AIFM1: variants seen among roughly 807,000 people sequenced by gnomAD.
AIFM1 encodes the protein apoptosis-inducing factor 1, mitochondrial.
Under a neutral mutation model 51.7 loss-of-function variants are expected in AIFM1, and 3 were observed. That is an observed-to-expected ratio of 0.06 (90% confidence interval 0.03 to 0.15). AIFM1 has a LOEUF of 0.15. Among genes scored for constraint, AIFM1 ranks in the 10% least tolerant of loss-of-function variants. The pLI, the probability that AIFM1 is intolerant of heterozygous loss-of-function variation, is 1.00. For missense variants in AIFM1, 330 were observed against 476.8 expected, an observed-to-expected ratio of 0.69 and a Z score of 2.87; for synonymous variants, 178 against 179.4, an observed-to-expected ratio of 0.99 and a Z score of 0.06.
chrX:130,140,676 T>A, intron 6 of AIFM1, 59 bp from the exon 7 acceptor site: 2 of 891,248 alleles, frequency 2.2e-6, no homozygotes, highest in South Asian at 4.0e-5. Flanking sequence ...TGAAAAAGTT[T>A]TATTGAGATA....
At chrX:130,146,448 AAT>A (rs1491245754) in intron 5 of AIFM1, among the ~76,000 whole-genome samples, 70 of 68,342 alleles carry the variant, frequency 1.0e-3, no homozygotes, top group African/African-American at 4.2e-3. Flanking sequence ...TGTCTCTCAA[AAT>A]ATGTGTGTGT....
intron 1 of AIFM1, among the ~76,000 whole-genome samples, chrX:130,162,229 T>A (rs2031375715): frequency 8.9e-6 from 1 of 112,068 alleles, no homozygotes; most frequent in Non-Finnish European, 1.9e-5. Flanking sequence ...AAAATGAGCT[T>A]GATACAAATC....
chrX:130,160,808 C>T (rs1204839119), intron 1 of AIFM1, among the ~76,000 whole-genome samples: 6 of 109,635 alleles, frequency 5.5e-5, no homozygotes, highest in African/African-American at 2.0e-4. Flanking sequence ...CTTGGGAGGC[C>T]GAGGTTGGTG....
chrX:130,151,201 C>T (rs941950816), intron 2 of AIFM1, among the ~76,000 whole-genome samples: 6 of 107,258 alleles, frequency 5.6e-5, no homozygotes, highest in Admixed American at 3.0e-4. Context: ...AGTGCAGTGG[C>T]GTGATCTCGG....
intron 2 of AIFM1, among the ~76,000 whole-genome samples, chrX:130,151,593 T>C (rs1447213480): frequency 8.9e-6 from 1 of 112,280 alleles, no homozygotes; most frequent in African/African-American, 3.2e-5. Context: ...AAGTACTGTA[T>C]GGGAAAAGAC....
At position 130,156,496 on chromosome X, in the gene AIFM1, T is replaced by C. The variant is rs2124673756; in HGVS notation, c.214A>G (p.Ile72Val). The part of the protein sequence containing the change: ...GKIDNSVLVL[I>V]VGLSTVGAGA... Reference sequence around the variant, plus strand: ...GCTCCTACTGTTGATAAGCCCACAATAAGGACTAACACAGAATTATCGATT... The same window carrying C: ...GCTCCTACTGTTGATAAGCCCACAACAAGGACTAACACAGAATTATCGATT... The change falls in exon 2 of 16, where the codon ATT becomes GTT. Residue 72 changes from isoleucine (I) to valine (V), a missense_variant. This residue lies in a region of AIFM1 where 110 missense variants were observed against 103.1 expected (regional missense o/e 1.07). Coordinates refer to ENST00000287295, the MANE Select transcript of AIFM1 (RefSeq NM_004208.4). 1 of 1,211,711 alleles carries C rather than the reference T, an allele frequency of 8.3e-7. No individual in the cohort carries two copies. Among genetic ancestry groups the C allele is most frequent in the Non-Finnish European group, 1.1e-6 (1 of 895,508 alleles).
At chrX:130,162,602 C>T (rs926734810) in intron 1 of AIFM1, among the ~76,000 whole-genome samples, 1 of 112,162 alleles carries the variant, frequency 8.9e-6, no homozygotes, top group Non-Finnish European at 1.9e-5. Context: ...GCAGAAACAA[C>T]GGGGGAAGAC....
intron 10 of AIFM1, among the ~76,000 whole-genome samples, 173 bp from the exon 11 acceptor site, chrX:130,136,904 T>C (rs1427015897): frequency 1.8e-5 from 2 of 110,996 alleles, no homozygotes; most frequent in African/African-American, 3.3e-5. Flanking sequence ...TTCCAGGAAT[T>C]TGGGGCATCT....
intron 2 of AIFM1, among the ~76,000 whole-genome samples, chrX:130,154,748 T>C (rs2124672440): frequency 8.9e-6 from 1 of 112,697 alleles, no homozygotes; most frequent in South Asian, 3.7e-4. Context: ...ACACAAACAT[T>C]ACATTTTACC....
At chrX:130,130,458 A>G (rs1344033332) in intron 14 of AIFM1, among the ~76,000 whole-genome samples, 3 of 112,039 alleles carry the variant, frequency 2.7e-5, no homozygotes, top group African/African-American at 9.7e-5. Flanking sequence ...ATTTCCTGGT[A>G]TCTGGATTTC....
chrX:130,153,178 CAA>C lies in AIFM1; in HGVS notation c.249+3281_249+3282del, dbSNP rs34591824. Among the ~76,000 whole-genome samples, 342 of 43,898 alleles carry C rather than the reference CAA, an allele frequency of 7.8e-3. 1 individual carries two copies. Among genetic ancestry groups the C allele is most frequent in the African/African-American group, 0.024 (286 of 11,714 alleles). The allele number at this position is 43,898 out of a possible 115,157, so 38.1% of individuals were successfully genotyped here. Reference sequence around the variant, plus strand: ...TGAAACCCCGTCTCTACTAAAAATACAAAAAAAAAAAAAAAAAAAAAATTAGC... The same window carrying C: ...TGAAACCCCGTCTCTACTAAAAATACAAAAAAAAAAAAAAAAAAAATTAGC... On this transcript the variant is annotated intron_variant, in intron 2 of 15. Transcript: ENST00000287295.
At position 130,129,509 on chromosome X, in the gene AIFM1, ACCT is replaced by A. The variant is rs1288315300; in HGVS notation, c.*45_*47del. On this transcript the variant is annotated 3_prime_UTR_variant, in exon 16 of 16. Coordinates refer to ENST00000287295, the MANE Select transcript of AIFM1 (RefSeq NM_004208.4). ...AAAAAAATGCTCCTTTACCCATTCG[ACCT>A]CCTCTCAGGGGCTGCAGTGGGTTTG... The A allele has an allele frequency of 1.1e-5, 12 of 1,104,502 alleles. No individual in the cohort carries two copies. In the South Asian group the frequency reaches 2.2e-4, roughly 20 times the overall value. 91.0% of individuals were successfully genotyped at this position (1,104,502 alleles called of 1,213,427 possible).
intron 13 of AIFM1, among the ~76,000 whole-genome samples, chrX:130,132,935 C>T (rs933932794): frequency 5.5e-5 from 6 of 110,052 alleles, no homozygotes; most frequent in African/African-American, 1.3e-4. Context: ...TTAGTAGAGA[C>T]GGGGTTTCAC....
chrX:130,140,489 A>C (rs755746912), intron 7 of AIFM1, 44 bp downstream of exon 7: 10 of 1,086,383 alleles, frequency 9.2e-6, no homozygotes, highest in Non-Finnish European at 1.1e-5. Flanking sequence ...CTAAAACTTG[A>C]ATGAGCTGTA....
chrX:130,158,036 G>T (rs1342200705), intron 1 of AIFM1, among the ~76,000 whole-genome samples: 1 of 110,815 alleles, frequency 9.0e-6, no homozygotes, highest in Non-Finnish European at 1.9e-5. Context: ...GCCGAGGAGG[G>T]TGAATCACCT....
intron 12 of AIFM1, 57 bp from the exon 13 acceptor site, chrX:130,133,512 A>G: frequency 8.5e-7 from 1 of 1,178,737 alleles, no homozygotes; most frequent in Non-Finnish European, 1.2e-6. Flanking sequence ...AGCAAGTTAA[A>G]GACAAAATAT....
chrX:130,153,577 T>C (rs182069633), intron 2 of AIFM1, among the ~76,000 whole-genome samples: 8 of 111,319 alleles, frequency 7.2e-5, no homozygotes, highest in East Asian at 2.8e-4. Context: ...CACTATGTGA[T>C]GGTATTTGGC....
rs917298617 is a variant in AIFM1, at chrX:130,143,725, C to T, written c.696+1754G>A. Among the ~76,000 whole-genome samples, 7 of 109,366 alleles carry T rather than the reference C, an allele frequency of 6.4e-5. No homozygotes were observed. In the South Asian group the frequency reaches 2.7e-3, roughly 42 times the overall value. The allele number at this position is 109,366 out of a possible 115,157, so 95.0% of individuals were successfully genotyped here. A position where few individuals can be genotyped will look rare whatever the true frequency, so the allele number is the denominator to read the frequency against. Reference sequence around the variant, plus strand: ...AAAAAAAAATAGCCAGGCATGGTGGCGCATGCAGCTACTTGGGAGGCTGAG... The same window carrying T: ...AAAAAAAAATAGCCAGGCATGGTGGTGCATGCAGCTACTTGGGAGGCTGAG... On this transcript the variant is annotated intron_variant, in intron 6 of 15. Coordinates refer to ENST00000287295, the MANE Select transcript of AIFM1 (RefSeq NM_004208.4).
At chrX:130,133,985 G>A (rs773956417) in intron 12 of AIFM1, among the ~76,000 whole-genome samples, 5 of 110,604 alleles carry the variant, frequency 4.5e-5, no homozygotes, top group Non-Finnish European at 7.6e-5. Flanking sequence ...GCAAATGCCC[G>A]TAATCCCAGC....
Sources: allele counts gnomAD v4.1 joint callset (sites outside exome capture counted in the v4.1 genomes callset), GRCh38; gene constraint gnomAD v4.1.1; regional missense constraint gnomAD v4.1.1; transcripts MANE v1.5; gene names NCBI Gene and HGNC (gene_info 2026-07-23, HGNC 2026-07-21).